The following RANBP2 variants were observed in gnomAD, a reference collection of about 807,000 sequenced individuals.
RANBP2 encodes the protein E3 SUMO-protein ligase RanBP2.
In RANBP2, 57 loss-of-function variants were observed where a neutral mutation model predicts 303.6. That is an observed-to-expected ratio of 0.19 (90% CI 0.15 to 0.23). RANBP2 has a LOEUF of 0.23. Among genes scored for constraint, RANBP2 ranks in the 10% least tolerant of loss-of-function variants. RANBP2 has a pLI of 1.00. For missense variants in RANBP2, 3,138 were observed against 3,780.8 expected, an observed-to-expected ratio of 0.83 and a Z score of 4.46; for synonymous variants, 1,167 against 1,301.5, an observed-to-expected ratio of 0.90 and a Z score of 2.23.
At chr2:109,326,193 G>A in the RANBP2 span, among the ~76,000 whole-genome samples, 1 of 152,266 alleles carries the variant, frequency 6.6e-6, no homozygotes, top group East Asian at 1.9e-4. Flanking sequence ...AGCCTCAGAA[G>A]GTGTTTTTCT....
the RANBP2 span, among the ~76,000 whole-genome samples, chr2:109,284,903 G>A: frequency 8.5e-5 from 13 of 152,350 alleles, no homozygotes; most frequent in African/African-American, 2.9e-4. Context: ...TCCACACTGG[G>A]CTCGTCTGCT....
chr2:108,927,011 C>A, the RANBP2 span, among the ~76,000 whole-genome samples: 1 of 152,194 alleles, frequency 6.6e-6, no homozygotes, highest in African/African-American at 2.4e-5. Flanking sequence ...GCAGCATGAG[C>A]CCCTGAGAGG....
chr2:109,152,928 G>A, the RANBP2 span, among the ~76,000 whole-genome samples: 1 of 152,166 alleles, frequency 6.6e-6, no homozygotes, highest in African/African-American at 2.4e-5. Flanking sequence ...TTTAATCTCT[G>A]GGATGAAAAC....
the RANBP2 span, among the ~76,000 whole-genome samples, chr2:109,024,931 A>C: frequency 1.3e-5 from 2 of 152,198 alleles, no homozygotes; most frequent in Non-Finnish European, 2.9e-5. Flanking sequence ...TTACATTCAC[A>C]ATGCTGTGCA....
the RANBP2 span, among the ~76,000 whole-genome samples, chr2:109,210,179 A>T: frequency 6.6e-6 from 1 of 152,198 alleles, no homozygotes; most frequent in Non-Finnish European, 1.5e-5. Context: ...GTATGGCTAG[A>T]CCACATTTTG....
the RANBP2 span, among the ~76,000 whole-genome samples, chr2:109,489,295 C>T: frequency 6.6e-6 from 1 of 152,238 alleles, no homozygotes; most frequent in African/African-American, 2.4e-5. Context: ...GACCCTTCAC[C>T]GGGCACTAAG....
the RANBP2 span, among the ~76,000 whole-genome samples, chr2:108,921,104 C>G: frequency 6.6e-6 from 1 of 152,212 alleles, no homozygotes; most frequent in Non-Finnish European, 1.5e-5. Context: ...GAATCACCCC[C>G]CTGAAACCCT....
the RANBP2 span, among the ~76,000 whole-genome samples, chr2:109,213,174 G>A: frequency 1.3e-5 from 2 of 152,248 alleles, no homozygotes; most frequent in East Asian, 1.9e-4. Context: ...ACATGGGCGC[G>A]GTTGCTTATT....
At chr2:109,398,303 A>G in the RANBP2 span, among the ~76,000 whole-genome samples, 1 of 152,302 alleles carries the variant, frequency 6.6e-6, no homozygotes, top group East Asian at 1.9e-4. Context: ...AGAAATGGCC[A>G]GCAGTTGAAA....
chr2:108,861,027 A>G, the RANBP2 span, among the ~76,000 whole-genome samples: 3 of 134,172 alleles, frequency 2.2e-5, no homozygotes, highest in Non-Finnish European at 3.1e-5. Context: ...CAGGGTTTCA[A>G]TTTCTTCCTG....
rs1308204795 is a variant in RANBP2, at chr2:108,785,228, G to A, written c.*1327G>A. 2.6e-5 allele frequency: 4 copies of A among 152,104 alleles called. No homozygotes were observed. The highest frequency in any genetic ancestry group is 2.1e-4 in the South Asian group (1 of 4,820). The allele number at this position is 152,104 out of a possible 1,614,324, so 9.4% of individuals were successfully genotyped here. ...TCAAAAGAGGGGAGGGATGTTGTGC[G>A]AGTAATGAGTGATGGTATACCATCA... is the stretch of plus-strand genomic sequence containing the variant. On this transcript the variant is annotated 3_prime_UTR_variant, in exon 29 of 29. Coordinates refer to ENST00000283195, the MANE Select transcript of RANBP2 (RefSeq NM_006267.5).
At chr2:109,243,625 T>C in the RANBP2 span, among the ~76,000 whole-genome samples, 9 of 152,076 alleles carry the variant, frequency 5.9e-5, no homozygotes, top group Non-Finnish European at 1.3e-4. Flanking sequence ...AAAGAGATGG[T>C]GTCTAAACTG....
chr2:108,864,097 C>T, the RANBP2 span, among the ~76,000 whole-genome samples: 1 of 151,638 alleles, frequency 6.6e-6, no homozygotes, highest in Non-Finnish European at 1.5e-5. Context: ...CTAGTGAGCC[C>T]TTCTTGGTCA....
At chr2:109,477,634 G>A in the RANBP2 span, among the ~76,000 whole-genome samples, 1 of 152,168 alleles carries the variant, frequency 6.6e-6, no homozygotes, top group East Asian at 1.9e-4. Context: ...GTGTGTGTGT[G>A]TGTGTGTGTT....
At chr2:109,227,143 G>A in the RANBP2 span, among the ~76,000 whole-genome samples, 2 of 152,188 alleles carry the variant, frequency 1.3e-5, no homozygotes, top group African/African-American at 4.8e-5. Flanking sequence ...CCGGCTGAGT[G>A]AACTGATGGC....
chr2:108,964,916 GTTCA>G, the RANBP2 span, among the ~76,000 whole-genome samples: 1 of 152,160 alleles, frequency 6.6e-6, no homozygotes, highest in Admixed American at 6.5e-5. Context: ...ATAAGGAACA[GTTCA>G]TTCATTCTAA....
At chr2:109,267,685 C>T in the RANBP2 span, among the ~76,000 whole-genome samples, 4 of 152,202 alleles carry the variant, frequency 2.6e-5, no homozygotes, top group African/African-American at 9.6e-5. Context: ...GAGCCCCACC[C>T]GTGATCCCCT....
At chr2:109,643,374 C>G in the RANBP2 span, among the ~76,000 whole-genome samples, 1 of 152,098 alleles carries the variant, frequency 6.6e-6, no homozygotes, top group South Asian at 2.1e-4. Context: ...TATTCCCAGA[C>G]GGTTAAGCAT....
the RANBP2 span, among the ~76,000 whole-genome samples, chr2:108,968,203 G>C: frequency 6.6e-6 from 1 of 152,248 alleles, no homozygotes; most frequent in South Asian, 2.1e-4. Context: ...CCACATACCA[G>C]CTGCATCAGC....
Sources: allele counts gnomAD v4.1 joint callset (sites outside exome capture counted in the v4.1 genomes callset), GRCh38; gene constraint gnomAD v4.1.1; transcripts MANE v1.5; gene names NCBI Gene and HGNC (gene_info 2026-07-23, HGNC 2026-07-21).